ZPBP: variants seen among roughly 807,000 people sequenced by gnomAD.
ZPBP encodes zona pellucida-binding protein 1.
A neutral mutation model predicts 44.8 loss-of-function variants in ZPBP; 26 were observed. That is an observed-to-expected ratio of 0.58 (90% CI 0.43 to 0.81). The LOEUF is 0.81. Ranked by LOEUF, ZPBP falls within the 30% of genes least tolerant of loss-of-function variation. ZPBP has a pLI of 0.00. For synonymous variants in ZPBP, 174 were observed against 153.2 expected, an observed-to-expected ratio of 1.14 and a Z score of -1.00; for missense variants, 409 against 434.0, an observed-to-expected ratio of 0.94 and a Z score of 0.51.
intron 7 of ZPBP, among the ~76,000 whole-genome samples, chr7:49,979,488 T>C (rs1331612257): frequency 6.6e-6 from 1 of 151,940 alleles, no homozygotes; most frequent in African/African-American, 2.4e-5. Context: ...GATCAAATAG[T>C]GTAGTACATA....
chr7:49,973,694 G>C (rs1350309025), intron 7 of ZPBP, among the ~76,000 whole-genome samples: 2 of 152,048 alleles, frequency 1.3e-5, no homozygotes, highest in Non-Finnish European at 2.9e-5. Flanking sequence ...AGTAAGTGTT[G>C]GTTTGGAAAT....
chr7:50,080,590 A>G (rs1035595567), intron 3 of ZPBP, among the ~76,000 whole-genome samples: 1 of 151,764 alleles, frequency 6.6e-6, no homozygotes, highest in Non-Finnish European at 1.5e-5. Flanking sequence ...CAATGCTTAA[A>G]TGTTTCTATA....
At chr7:50,076,544 C>T (rs931385539) in intron 3 of ZPBP, among the ~76,000 whole-genome samples, 1 of 151,450 alleles carries the variant, frequency 6.6e-6, no homozygotes, top group Non-Finnish European at 1.5e-5. Context: ...ACTATTATAA[C>T]CAATAAGCAA....
intron 1 of ZPBP, among the ~76,000 whole-genome samples, chr7:50,090,396 A>C (rs1225718209): frequency 6.6e-6 from 1 of 152,030 alleles, no homozygotes; most frequent in Non-Finnish European, 1.5e-5. Context: ...AATAGTCTCC[A>C]ATCCCATCCA....
intron 4 of ZPBP, among the ~76,000 whole-genome samples, chr7:50,053,824 T>C (rs1800804365): frequency 1.3e-5 from 2 of 152,172 alleles, no homozygotes; most frequent in South Asian, 4.1e-4. Context: ...AAATAAAAGA[T>C]GTTAATTTAT....
At chr7:49,859,854 G>T (rs1234500711) in intron 2 of ZPBP, among the ~76,000 whole-genome samples, 1 of 151,810 alleles carries the variant, frequency 6.6e-6, no homozygotes, top group Non-Finnish European at 1.5e-5. Flanking sequence ...AATCACAATT[G>T]CATTGATGTT....
chr7:49,988,489 C>T (rs1478792525), intron 6 of ZPBP, among the ~76,000 whole-genome samples: 2 of 151,952 alleles, frequency 1.3e-5, no homozygotes, highest in East Asian at 3.9e-4. Context: ...ATTTGTGTTC[C>T]AAAATTGTAT....
At position 49,938,008 on chromosome 7, in the gene ZPBP, A is replaced by G. The variant is rs189144038; in HGVS notation, c.962-386T>C. On this transcript the variant is annotated intron_variant, in intron 7 of 7. Transcript: ENST00000046087. ...CTATGAGAATCTAATGCCATTGATGACCTGACAGGAAGCAGAGCTCAGGCC... is the reference window on the plus strand; with the variant it reads ...CTATGAGAATCTAATGCCATTGATGGCCTGACAGGAAGCAGAGCTCAGGCC... 6.8e-4 allele frequency among the ~76,000 whole-genome samples: 104 copies of G among 152,256 alleles called. 1 individual carries two copies. The highest frequency in any genetic ancestry group is 1.4e-3 in the Non-Finnish European group (96 of 68,004).
intron 1 of ZPBP, among the ~76,000 whole-genome samples, chr7:49,931,964 C>T (rs1158961025): frequency 2.0e-5 from 3 of 152,228 alleles, no homozygotes; most frequent in Non-Finnish European, 4.4e-5. Flanking sequence ...AGGGAAGAAG[C>T]CCCAAGCCTT....
chr7:49,950,380 T>A (rs985489), intron 7 of ZPBP, among the ~76,000 whole-genome samples: 2 of 151,642 alleles, frequency 1.3e-5, no homozygotes, highest in African/African-American at 4.8e-5. Flanking sequence ...AATTAATATA[T>A]ACATATGCAA....
rs143409420 is a variant in ZPBP, at chr7:49,931,397, C to T, written n.411+4354G>A. 9.2e-5 allele frequency among the ~76,000 whole-genome samples: 14 copies of T among 152,254 alleles called. 1 individual carries two copies. The East Asian group carries it at 2.1e-3, about 23-fold the overall frequency. On this transcript the variant is annotated intron_variant and non_coding_transcript_variant, in intron 1 of 2. Transcript: ENST00000465922. ...ATAGTTTTGCCCAAAATTCTGATAGCAATATGGACAATGAAGTCCAGGTTG... is the reference window on the plus strand; with the variant it reads ...ATAGTTTTGCCCAAAATTCTGATAGTAATATGGACAATGAAGTCCAGGTTG...
At chr7:49,971,372 C>T (rs568702473) in intron 7 of ZPBP, among the ~76,000 whole-genome samples, 1 of 151,962 alleles carries the variant, frequency 6.6e-6, no homozygotes, top group African/African-American at 2.4e-5. Flanking sequence ...GCTAAATTGA[C>T]TAAAAATGAA....
chr7:50,068,291 C>G (rs79209162), intron 3 of ZPBP, among the ~76,000 whole-genome samples: 2 of 152,274 alleles, frequency 1.3e-5, no homozygotes, highest in Non-Finnish European at 2.9e-5. Flanking sequence ...AGGCATCGTT[C>G]TTCTTGGCTT....
At chr7:49,999,353 T>C (rs900646585) in intron 6 of ZPBP, among the ~76,000 whole-genome samples, 3 of 151,924 alleles carry the variant, frequency 2.0e-5, no homozygotes, top group Non-Finnish European at 4.4e-5. Flanking sequence ...AGGAGAAAGA[T>C]AGTCTATTAT....
intron 3 of ZPBP, among the ~76,000 whole-genome samples, chr7:50,077,485 C>T (rs1237772918): frequency 6.6e-6 from 1 of 151,692 alleles, no homozygotes; most frequent in African/African-American, 2.4e-5. Context: ...AAAATATATG[C>T]AAACTACCCC....
chr7:50,056,150 C>T (rs1800927146), intron 4 of ZPBP: 1 of 152,168 alleles, frequency 6.6e-6, no homozygotes, highest in Non-Finnish European at 1.5e-5. Flanking sequence ...CAAATTACCA[C>T]AAACCTAATG....
intron 5 of ZPBP, among the ~76,000 whole-genome samples, chr7:50,030,514 T>C (rs1328911545): frequency 6.8e-6 from 1 of 147,904 alleles, no homozygotes; most frequent in Non-Finnish European, 1.5e-5. Context: ...AAAAAAACCC[T>C]AAAAAAGGAG....
chr7:49,894,158 TC>T (rs922888290), intron 2 of ZPBP, among the ~76,000 whole-genome samples: 1 of 65,822 alleles, frequency 1.5e-5, no homozygotes, highest in African/African-American at 6.9e-5. Flanking sequence ...CTAGGCTTTT[TC>T]TTTTCTTTCT....
chr7:49,866,422 G>T (rs1045427333), intron 2 of ZPBP, among the ~76,000 whole-genome samples: 3 of 152,196 alleles, frequency 2.0e-5, no homozygotes, highest in African/African-American at 7.2e-5. Flanking sequence ...CTCCTGTGGT[G>T]GTCTCAGGCT....
Sources: gnomAD v4.1 joint callset for allele counts (sites outside exome capture counted in the v4.1 genomes callset) on GRCh38, gnomAD v4.1.1 for gene constraint, MANE v1.5 for transcripts, NCBI Gene and HGNC (gene_info 2026-07-23, HGNC 2026-07-21) for gene names.